Variants in GPR39 observed in about 807,000 individuals in gnomAD.
GPR39 encodes G protein-coupled receptor 39, also known as zinc sensing receptor.
GPR39 carries 23 observed loss-of-function variants against 18.4 expected under a neutral mutation model. That is an observed-to-expected ratio of 1.25 (90% CI 0.90 to 1.77). The LOEUF (loss-of-function observed/expected upper bound fraction) is 1.77, where lower values mean the gene tolerates loss of function less well. GPR39 is among the 40% of genes most tolerant of loss of function. The pLI, the probability that GPR39 is intolerant of heterozygous loss-of-function variation, is 0.00. For missense variants in GPR39, 647 were observed against 602.4 expected (o/e 1.07, Z -0.78); for synonymous variants, 280 against 257.9 (o/e 1.09, Z -0.82).
At chr2:132,545,577 T>C (rs1210054504) in intron 1 of GPR39, among the ~76,000 whole-genome samples, 1 of 152,142 alleles carries the variant, frequency 6.6e-6, no homozygotes, top group African/African-American at 2.4e-5. Context: ...CTGTTCCAGA[T>C]CCAGATGCTG....
intron 1 of GPR39, among the ~76,000 whole-genome samples, chr2:132,619,596 T>C (rs776238796): frequency 5.9e-5 from 9 of 152,172 alleles, no homozygotes; most frequent in Non-Finnish European, 1.3e-4. Flanking sequence ...GTGGGAGTTA[T>C]GTAAGAAGTT....
At chr2:132,510,688 C>G (rs1679223587) in intron 1 of GPR39, among the ~76,000 whole-genome samples, 1 of 152,060 alleles carries the variant, frequency 6.6e-6, no homozygotes, top group Non-Finnish European at 1.5e-5. Context: ...GAGTTCAGCT[C>G]TTTTTGTTCA....
chr2:132,537,396 C>T (rs895941896), intron 1 of GPR39, among the ~76,000 whole-genome samples: 6 of 152,040 alleles, frequency 3.9e-5, no homozygotes, highest in African/African-American at 7.2e-5. Flanking sequence ...AATATTGGCC[C>T]CCACTCTCTT....
chr2:132,473,871 G>C (rs1681078083), intron 1 of GPR39, among the ~76,000 whole-genome samples: 1 of 152,186 alleles, frequency 6.6e-6, no homozygotes, highest in African/African-American at 2.4e-5. Context: ...AAGAGGGGTA[G>C]TTTCAGGGGG....
intron 1 of GPR39, among the ~76,000 whole-genome samples, chr2:132,597,634 G>A (rs1680969857): frequency 6.6e-6 from 1 of 152,216 alleles, no homozygotes; most frequent in Non-Finnish European, 1.5e-5. Context: ...AACCTGGAAT[G>A]AGCCCTGCTA....
intron 1 of GPR39, among the ~76,000 whole-genome samples, chr2:132,493,227 ACAC>A (rs1681544648): frequency 6.9e-6 from 1 of 145,098 alleles, no homozygotes; most frequent in Non-Finnish European, 1.5e-5. Flanking sequence ...CACCATATAT[ACAC>A]CATATATATA....
rs1160992250 is a variant in GPR39, at chr2:132,493,158, T to TACCATATATAC, written c.856+75282_856+75292dup. On this transcript the variant is annotated intron_variant, in intron 1 of 1. Coordinates refer to ENST00000329321, the MANE Select transcript of GPR39 (RefSeq NM_001508.3). ...ACCATATATATACATTCCATATATA[T>TACCATATATAC]ACCATATATACACCATATATACACC... 1.1e-4 allele frequency among the ~76,000 whole-genome samples: 15 copies of TACCATATATAC among 140,538 alleles called. No individual in the cohort carries two copies. In the South Asian group the frequency reaches 1.1e-3, roughly 11 times the overall value. The allele number at this position is 140,538 out of a possible 152,430, so 92.2% of individuals were successfully genotyped here.
At chr2:132,504,751 G>T (rs1573635909) in intron 1 of GPR39, among the ~76,000 whole-genome samples, 1 of 152,054 alleles carries the variant, frequency 6.6e-6, no homozygotes, top group South Asian at 2.1e-4. Context: ...GTGACTCTCT[G>T]TCACACCCAT....
At chr2:132,476,333 A>G (rs1263999854) in intron 1 of GPR39, among the ~76,000 whole-genome samples, 2 of 152,138 alleles carry the variant, frequency 1.3e-5, no homozygotes, top group Non-Finnish European at 2.9e-5. Context: ...TTCTTCATGT[A>G]TATTGAAAGA....
At chr2:132,449,500 G>A (rs1053434756) in intron 1 of GPR39, among the ~76,000 whole-genome samples, 2 of 152,284 alleles carry the variant, frequency 1.3e-5, no homozygotes, top group East Asian at 1.9e-4. Context: ...GCCTGCCTCA[G>A]CCTCCCAAAG....
intron 1 of GPR39, among the ~76,000 whole-genome samples, chr2:132,633,574 C>T (rs1681691522): frequency 6.6e-6 from 1 of 152,136 alleles, no homozygotes; most frequent in South Asian, 2.1e-4. Flanking sequence ...TGGAAGGTAT[C>T]TGACATCCTG....
intron 1 of GPR39, among the ~76,000 whole-genome samples, chr2:132,475,483 G>A (rs534999817): frequency 2.6e-5 from 4 of 151,896 alleles, no homozygotes; most frequent in Non-Finnish European, 5.9e-5. Flanking sequence ...AGTTGATTGA[G>A]GGAGGTGGGG....
rs1461919928 is a variant in GPR39 at position 132,645,337 on chromosome 2, C to A, written c.1093C>A (p.Leu365Met). The A allele has an allele frequency of 8.1e-6, 13 of 1,614,068 alleles. No homozygotes were observed. Among genetic ancestry groups the A allele is most frequent in the Non-Finnish European group, 1.0e-5 (12 of 1,180,048 alleles). The change falls in exon 2 of 2, where the codon CTG (leucine) becomes ATG (methionine). Residue 365 changes from leucine (L) to methionine (M), a missense_variant. Physicochemically the swap from Leu to Met is conservative, Grantham distance 15. This residue lies in a region of GPR39 where 581 missense variants were observed against 506.8 expected (regional missense o/e 1.15). Coordinates refer to ENST00000329321, the MANE Select transcript of GPR39 (RefSeq NM_001508.3). ...GCAGGTGCTGTGCTGCCGCCTGTCG[C>A]TGCAGCACGCCAACCACGAGAAGCG... ...FVQVLCCRLS[L>M]QHANHEKRLR...
chr2:132,645,598 G>T lies in GPR39; in HGVS notation c.1354G>T (p.Glu452Ter), dbSNP rs1423014254. ...TGCAGAGAATGGTTTTCAGGAGCAT[G>T]AAGTTTGAATGTCAAGCGAGGGAGC... ...SAAENGFQEH[E>*]V The change falls in exon 2 of 2, where the codon GAA becomes TAA. Residue 452 changes from glutamate to a stop codon, truncating the protein, a stop_gained. Coordinates refer to ENST00000329321, the MANE Select transcript of GPR39 (RefSeq NM_001508.3). LOFTEE classifies it high-confidence loss of function. The T allele has an allele frequency of 6.2e-7, 1 of 1,610,728 alleles. No homozygotes were observed. The highest frequency in any genetic ancestry group is 1.1e-5 in the South Asian group (1 of 90,726).
chr2:132,620,973 C>T (rs1306952168), intron 1 of GPR39, among the ~76,000 whole-genome samples: 1 of 152,118 alleles, frequency 6.6e-6, no homozygotes, highest in African/African-American at 2.4e-5. Context: ...AGGATGGTCT[C>T]GATCACCTGA....
At chr2:132,488,863 C>G (rs1457625773) in intron 1 of GPR39, 1 of 164,746 alleles carries the variant, frequency 6.1e-6, no homozygotes, top group Non-Finnish European at 1.3e-5. Context: ...CACTTCTTCT[C>G]CCTGCAAGGG....
chr2:132,510,130 G>GCAT (rs1457569367), intron 1 of GPR39, among the ~76,000 whole-genome samples: 1 of 152,206 alleles, frequency 6.6e-6, no homozygotes, highest in Non-Finnish European at 1.5e-5. Context: ...ACATTTGTAA[G>GCAT]CATAGTCCTG....
Position 132,493,233 on chromosome 2 carries a change from TATATATACACC to T in GPR39, c.856+75354_856+75364del, listed in dbSNP as rs1367994913. Among the ~76,000 whole-genome samples, 20 of 141,280 alleles carry T rather than the reference TATATATACACC, an allele frequency of 1.4e-4. 1 individual carries two copies. Among genetic ancestry groups the T allele is most frequent in the African/African-American group, 3.3e-4 (12 of 36,222 alleles). The allele number at this position is 141,280 out of a possible 152,430, so 92.7% of individuals were successfully genotyped here. ...ATATATGTACACCATATATACACCA[TATATATACACC>T]ATATATACACCATATATATACCATA... On this transcript the variant is annotated intron_variant, in intron 1 of 1. Transcript: ENST00000329321.
At chr2:132,532,171 C>T (rs1307306977) in intron 1 of GPR39, among the ~76,000 whole-genome samples, 2 of 152,256 alleles carry the variant, frequency 1.3e-5, no homozygotes, top group African/African-American at 2.4e-5. Context: ...ATATCACCAC[C>T]AATCCCACAG....
Sources: gnomAD v4.1 joint callset for allele counts (sites outside exome capture counted in the v4.1 genomes callset) on GRCh38, gnomAD v4.1.1 for gene constraint, gnomAD v4.1.1 regional missense constraint, MANE v1.5 for transcripts, NCBI Gene and HGNC (gene_info 2026-07-23, HGNC 2026-07-21) for gene names.